The following PAK5 variants were observed in gnomAD, a reference collection of about 807,000 sequenced individuals.
PAK5 encodes the protein serine/threonine-protein kinase PAK 5.
Under a neutral mutation model 65.9 loss-of-function variants are expected in PAK5, and 16 were observed. The observed-to-expected ratio is 0.24, with a 90% CI of 0.16 to 0.37. PAK5 has a LOEUF of 0.37. Ranked by LOEUF, PAK5 falls within the 10% of genes least tolerant of loss-of-function variation. PAK5 has a pLI of 1.00. For missense variants in PAK5, 785 were observed against 903.9 expected, an observed-to-expected ratio of 0.87 and a Z score of 1.69; for synonymous variants, 371 against 354.9, an observed-to-expected ratio of 1.05 and a Z score of -0.51.
intron 5 of PAK5, among the ~76,000 whole-genome samples, chr20:9,564,351 A>AT (rs756870905): frequency 6.6e-6 from 1 of 152,240 alleles, no homozygotes; most frequent in Non-Finnish European, 1.5e-5. Context: ...ATTCCTTAAC[A>AT]TATCAATAGC....
chr20:9,586,796 C>T (rs1166345958), intron 3 of PAK5, among the ~76,000 whole-genome samples: 1 of 151,910 alleles, frequency 6.6e-6, no homozygotes, highest in Non-Finnish European at 1.5e-5. Context: ...GCACTTGTCA[C>T]CAGGTATCCC....
chr20:9,684,364 G>A (rs2047690106), intron 2 of PAK5, among the ~76,000 whole-genome samples: 1 of 152,174 alleles, frequency 6.6e-6, no homozygotes, highest in South Asian at 2.1e-4. Context: ...AAATCACTGA[G>A]AATTTTGAAG....
At chr20:9,571,653 A>G (rs1489086427) in intron 4 of PAK5, among the ~76,000 whole-genome samples, 1 of 152,198 alleles carries the variant, frequency 6.6e-6, no homozygotes. Flanking sequence ...GGACTGTTCT[A>G]AGCACACTGT....
Position 9,713,659 on chromosome 20 carries a change from A to G in PAK5, c.-161-2224T>C, listed in dbSNP as rs372925549. On this transcript the variant is annotated intron_variant, in intron 1 of 9. Coordinates refer to ENST00000353224, the MANE Select transcript of PAK5 (RefSeq NM_177990.4). ...TAGATAAAGAAAATGTGGTATATGT[A>G]TACAATCAAATACTATTCAGTCACA... Among the ~76,000 whole-genome samples, 10 of 152,296 alleles carry G rather than the reference A, an allele frequency of 6.6e-5. 1 individual carries two copies. The highest frequency in any genetic ancestry group is 5.9e-4 in the Admixed American group (9 of 15,292).
chr20:9,692,962 G>T (rs57720123), intron 2 of PAK5, among the ~76,000 whole-genome samples: 2,363 of 152,126 alleles, frequency 0.016, 23 homozygotes, highest in Middle Eastern at 0.041. Context: ...TTTACTAAAA[G>T]AATTAAATAA....
rs776769814 is a variant in PAK5, at chr20:9,562,961, C to T, written c.1546G>A (p.Gly516Ser). ...TCCATGACCACCCAGAGCTCATCGC[C>T]GACAAGGTAGCTGCTGTACATGTCA... ...VVDMYSSYLV[G>S]DELWVVMEFL... Residue 516 changes from glycine (G) to serine (S), a missense_variant, in exon 6 of 10, where the codon GGC becomes AGC. Coordinates refer to ENST00000353224, the MANE Select transcript of PAK5 (RefSeq NM_177990.4). 9 of 1,613,172 alleles carry T rather than the reference C, an allele frequency of 5.6e-6. No individual in the cohort carries two copies. Among genetic ancestry groups the T allele is most frequent in the Non-Finnish European group, 5.1e-6 (6 of 1,179,338 alleles).
At chr20:9,644,591 C>T (rs542784619) in intron 2 of PAK5, among the ~76,000 whole-genome samples, 2 of 152,230 alleles carry the variant, frequency 1.3e-5, no homozygotes, top group South Asian at 4.1e-4. Flanking sequence ...GGCCATGTGA[C>T]CTGCTTTGAC....
chr20:9,620,686 G>T lies in PAK5; in HGVS notation c.204+23439C>A, dbSNP rs138656196. 2.9e-4 allele frequency among the ~76,000 whole-genome samples: 44 copies of T among 152,276 alleles called. No homozygotes were observed. The East Asian group carries it at 7.5e-3, about 26-fold the overall frequency. ...GCACCATGGATTTCCCAGCTCTGGA[G>T]ATGTGGTGTTTAAAAGCTATACAGA... is the stretch of plus-strand genomic sequence containing the variant. On this transcript the variant is annotated intron_variant, in intron 3 of 9. Coordinates refer to ENST00000353224, the MANE Select transcript of PAK5 (RefSeq NM_177990.4).
At chr20:9,714,840 A>T (rs888178325) in intron 1 of PAK5, among the ~76,000 whole-genome samples, 5 of 152,210 alleles carry the variant, frequency 3.3e-5, no homozygotes, top group African/African-American at 1.2e-4. Flanking sequence ...CTGGCTAGGC[A>T]TATGTAGAAA....
At chr20:9,605,530 T>C (rs537777541) in intron 3 of PAK5, among the ~76,000 whole-genome samples, 1 of 152,262 alleles carries the variant, frequency 6.6e-6, no homozygotes, top group Non-Finnish European at 1.5e-5. Flanking sequence ...TAATGATATA[T>C]TGCTAGATTG....
intron 3 of PAK5, among the ~76,000 whole-genome samples, chr20:9,640,331 G>A (rs2047037863): frequency 6.6e-6 from 1 of 150,786 alleles, no homozygotes; most frequent in Admixed American, 6.6e-5. Context: ...TTGTCCTTGT[G>A]ATAGTTTGCT....
At chr20:9,672,105 G>A (rs1397280560) in intron 2 of PAK5, among the ~76,000 whole-genome samples, 2 of 151,806 alleles carry the variant, frequency 1.3e-5, no homozygotes, top group African/African-American at 4.8e-5. Context: ...TCCTACAGAG[G>A]TAATCTTGAT....
intron 4 of PAK5, among the ~76,000 whole-genome samples, chr20:9,573,726 G>A (rs933793150): frequency 4.6e-5 from 7 of 152,182 alleles, no homozygotes; most frequent in Non-Finnish European, 1.0e-4. Flanking sequence ...GGGCAGGGGG[G>A]CCGTGGCTGG....
chr20:9,576,661 A>G (rs1419575856), intron 4 of PAK5, among the ~76,000 whole-genome samples: 1 of 152,238 alleles, frequency 6.6e-6, no homozygotes, highest in African/African-American at 2.4e-5. Context: ...GCTTATAATC[A>G]GGCAGGTTGC....
intron 3 of PAK5, among the ~76,000 whole-genome samples, chr20:9,617,393 C>A (rs2046677248): frequency 6.6e-6 from 1 of 152,078 alleles, no homozygotes. Flanking sequence ...GTAAGTAATT[C>A]TTCCCAGACG....
intron 4 of PAK5, among the ~76,000 whole-genome samples, chr20:9,571,887 T>TGGGG (rs1603220194): frequency 8.0e-5 from 4 of 49,822 alleles, no homozygotes; most frequent in African/African-American, 2.5e-4. Flanking sequence ...GGGGGGGGGA[T>TGGGG]GTGGTCTTAA....
At chr20:9,668,758 G>C (rs2047453151) in intron 2 of PAK5, among the ~76,000 whole-genome samples, 1 of 152,198 alleles carries the variant, frequency 6.6e-6, no homozygotes, top group South Asian at 2.1e-4. Context: ...CATCACCTCT[G>C]TTCTACTGAT....
chr20:9,611,734 T>G (rs2046564748), intron 3 of PAK5, among the ~76,000 whole-genome samples: 1 of 152,148 alleles, frequency 6.6e-6, no homozygotes, highest in South Asian at 2.1e-4. Context: ...CAGAAGACAG[T>G]GGAAAAAGTT....
At chr20:9,641,174 G>T (rs1328189740) in intron 3 of PAK5, among the ~76,000 whole-genome samples, 2 of 151,864 alleles carry the variant, frequency 1.3e-5, no homozygotes, top group Non-Finnish European at 2.9e-5. Flanking sequence ...GTTCTCCAAG[G>T]CCCCACCAGA....
Sources: gnomAD v4.1 joint callset for allele counts (sites outside exome capture counted in the v4.1 genomes callset) on GRCh38, gnomAD v4.1.1 for gene constraint, MANE v1.5 for transcripts, NCBI Gene and HGNC (gene_info 2026-07-23, HGNC 2026-07-21) for gene names.